The following ADGRG6 variants were observed in gnomAD, a reference collection of about 807,000 sequenced individuals.
The protein encoded by ADGRG6 is G-protein coupled receptor 126.
ADGRG6 carries 84 observed loss-of-function variants against 142.4 expected under a neutral mutation model. The observed-to-expected ratio is 0.59, with a 90% CI of 0.49 to 0.71. ADGRG6 has a LOEUF of 0.71. Ranked by LOEUF, ADGRG6 falls within the 30% of genes least tolerant of loss-of-function variation. The probability of loss-of-function intolerance (pLI) is 0.00; values close to 1 mark genes in which losing one functional copy is unlikely to be tolerated. For synonymous variants in ADGRG6, 521 were observed against 520.5 expected (o/e 1.00, Z -0.01); for missense variants, 1,367 against 1,466.6 (o/e 0.93, Z 1.11).
At chr6:142,324,820 T>C (rs1778684103) in intron 2 of ADGRG6, among the ~76,000 whole-genome samples, 1 of 152,148 alleles carries the variant, frequency 6.6e-6, no homozygotes, top group Non-Finnish European at 1.5e-5. Flanking sequence ...TGTTAGTGCC[T>C]ACAGGTAGGG....
chr6:142,347,515 A>G (rs1453992760), intron 2 of ADGRG6, among the ~76,000 whole-genome samples: 2 of 152,138 alleles, frequency 1.3e-5, no homozygotes, highest in East Asian at 3.9e-4. Context: ...ATCTCATCAA[A>G]CCAAATGAGG....
chr6:142,313,420 A>G (rs1246760034), intron 2 of ADGRG6, among the ~76,000 whole-genome samples: 4 of 152,084 alleles, frequency 2.6e-5, no homozygotes, highest in African/African-American at 9.7e-5. Flanking sequence ...AAGAGCCAAT[A>G]CATTTCTAAG....
chr6:142,422,694 T>G (rs1216468692), intron 22 of ADGRG6, among the ~76,000 whole-genome samples: 3 of 148,840 alleles, frequency 2.0e-5, no homozygotes, highest in Non-Finnish European at 4.5e-5. Context: ...ATGGGATGGC[T>G]GGGTCAAATG....
intron 19 of ADGRG6, 146 bp downstream of exon 19, chr6:142,415,242 T>A (rs1776296682): frequency 4.2e-6 from 2 of 472,904 alleles, no homozygotes; most frequent in Non-Finnish European, 7.1e-6. Context: ...TTATGTAACA[T>A]GAATTTTCCA....
At chr6:142,324,919 G>A (rs1326901528) in intron 2 of ADGRG6, among the ~76,000 whole-genome samples, 1 of 152,056 alleles carries the variant, frequency 6.6e-6, no homozygotes, top group African/African-American at 2.4e-5. Context: ...TTATTAGAAG[G>A]GAGACATTTA....
At chr6:142,317,792 T>TATTTATATCATATATATTTATATATA (rs1194557813) in intron 2 of ADGRG6, among the ~76,000 whole-genome samples, 1 of 91,990 alleles carries the variant, frequency 1.1e-5, no homozygotes, top group African/African-American at 4.8e-5. Flanking sequence ...TTATATATAA[T>TATTTATATCATATATATTTATATATA]ATATATATTA....
intron 1 of ADGRG6, chr6:142,302,860 C>T (rs1363222601): frequency 6.5e-6 from 1 of 153,582 alleles, no homozygotes; most frequent in Non-Finnish European, 1.4e-5. Flanking sequence ...TTTCAGTGTG[C>T]TTTGTAGTTT....
At chr6:142,327,729 C>T (rs1288101222) in intron 2 of ADGRG6, among the ~76,000 whole-genome samples, 1 of 152,078 alleles carries the variant, frequency 6.6e-6, no homozygotes, top group East Asian at 1.9e-4. Flanking sequence ...CTTCCATTTA[C>T]TCCTCCACTT....
intron 4 of ADGRG6, among the ~76,000 whole-genome samples, chr6:142,375,269 T>C (rs1463336457): frequency 6.6e-6 from 1 of 152,232 alleles, no homozygotes; most frequent in African/African-American, 2.4e-5. Flanking sequence ...CTATAAGTTT[T>C]CAAAGTAATT....
chr6:142,312,676 C>T (rs1489419892), intron 2 of ADGRG6, among the ~76,000 whole-genome samples: 1 of 151,988 alleles, frequency 6.6e-6, no homozygotes, highest in African/African-American at 2.4e-5. Flanking sequence ...AGAATGTGTA[C>T]ATTGGTGTAT....
intron 22 of ADGRG6, among the ~76,000 whole-genome samples, chr6:142,434,368 A>G (rs1777373503): frequency 6.6e-6 from 1 of 151,988 alleles, no homozygotes; most frequent in Admixed American, 6.6e-5. Context: ...ACTGTCACCC[A>G]GGATGGAGTG....
intron 22 of ADGRG6, among the ~76,000 whole-genome samples, chr6:142,433,229 C>T (rs370334724): frequency 1.3e-5 from 2 of 152,170 alleles, no homozygotes; most frequent in South Asian, 2.1e-4. Flanking sequence ...CTGCAGCCTC[C>T]GTCATCTGTA....
chr6:142,332,207 G>C (rs1191637807), intron 2 of ADGRG6, among the ~76,000 whole-genome samples: 2 of 151,962 alleles, frequency 1.3e-5, no homozygotes, highest in Non-Finnish European at 2.9e-5. Flanking sequence ...GTATATTATT[G>C]GTTCTTTTAG....
Position 142,437,422 on chromosome 6 carries a change from C to A in ADGRG6, c.3320-12C>A. ...CAGTTGGCTTAAATATTTATATTTT[C>A]TTTTGTCACAGGCTTATTTATATTC... On this transcript the variant is annotated splice_polypyrimidine_tract_variant and intron_variant, in intron 22 of 24. Transcript: ENST00000367609. The A allele has an allele frequency of 1.6e-6, 2 of 1,256,340 alleles. No individual in the cohort carries two copies. Among genetic ancestry groups the A allele is most frequent in the African/African-American group, 3.0e-5 (2 of 67,678 alleles). 77.8% of individuals were successfully genotyped at this position (1,256,340 alleles called of 1,614,324 possible). A position where few individuals can be genotyped will look rare whatever the true frequency, so the allele number is the denominator to read the frequency against.
chr6:142,321,213 C>A (rs2114608708), intron 2 of ADGRG6, among the ~76,000 whole-genome samples: 1 of 151,594 alleles, frequency 6.6e-6, no homozygotes, highest in East Asian at 1.9e-4. Context: ...GGCAAGATAG[C>A]AATCTGCATG....
intron 2 of ADGRG6, among the ~76,000 whole-genome samples, chr6:142,312,951 T>C (rs987240584): frequency 2.0e-5 from 3 of 152,082 alleles, no homozygotes; most frequent in African/African-American, 7.2e-5. Context: ...AATCAGGCAC[T>C]GTGGCTCACA....
chr6:142,388,577 G>T (rs1470286749), intron 6 of ADGRG6, among the ~76,000 whole-genome samples: 3 of 152,046 alleles, frequency 2.0e-5, no homozygotes, highest in South Asian at 4.1e-4. Context: ...ATCATAGCTT[G>T]CTGAACCCAC....
chr6:142,317,956 T>C lies in ADGRG6; in HGVS notation c.103+8312T>C, dbSNP rs1212217068. Among the ~76,000 whole-genome samples, 171 of 67,128 alleles carry C rather than the reference T, an allele frequency of 2.5e-3. 5 individuals carry two copies. Among genetic ancestry groups the C allele is most frequent in the African/African-American group, 0.01 (161 of 15,490 alleles). 44.0% of individuals were successfully genotyped at this position (67,128 alleles called of 152,430 possible). On this transcript the variant is annotated intron_variant, in intron 2 of 24. Coordinates refer to ENST00000367609, the MANE Select transcript of ADGRG6 (RefSeq NM_198569.3). ...TTATATATTATATATATTTATATTA[T>C]ATATTTATATATTATATATATTTAT...
At chr6:142,309,746 T>G in intron 2 of ADGRG6, 102 bp downstream of exon 2, 1 of 209,888 alleles carries the variant, frequency 4.8e-6, no homozygotes, top group Non-Finnish European at 7.9e-6. Context: ...ACTTACTGCC[T>G]TTTTTTTTTT....
Sources: allele counts gnomAD v4.1 joint callset (sites outside exome capture counted in the v4.1 genomes callset), GRCh38; gene constraint gnomAD v4.1.1; transcripts MANE v1.5; gene names NCBI Gene and HGNC (gene_info 2026-07-23, HGNC 2026-07-21).